Variants in CPED1 observed in about 807,000 individuals in gnomAD.
CPED1 encodes cadherin-like and PC-esterase domain-containing protein 1.
CPED1 carries 114 observed loss-of-function variants against 128.2 expected under a neutral mutation model. The observed-to-expected ratio is 0.89, with a 90% CI of 0.76 to 1.04. The LOEUF is 1.04. Among genes scored for constraint, CPED1 ranks in the 50% least tolerant of loss-of-function variants. The probability of loss-of-function intolerance (pLI) is 0.00; values close to 1 mark genes in which losing one functional copy is unlikely to be tolerated. For synonymous variants in CPED1, 462 were observed against 426.7 expected (o/e 1.08, Z -1.02); for missense variants, 1,211 against 1,207.1 (o/e 1.00, Z -0.05).
At position 121,171,998 on chromosome 7, in the gene CPED1, G is replaced by A. The variant is rs7806255; in HGVS notation, c.2055+29857G>A. 7.8e-3 allele frequency among the ~76,000 whole-genome samples: 1,193 copies of A among 152,240 alleles called. 12 individuals carry two copies. Among genetic ancestry groups the A allele is most frequent in the African/African-American group, 0.026 (1,079 of 41,530 alleles). ...ATTTATTTGAACCCTACTCTGAATAGGAAGGCGCTGAGGTGGCTTTCAATG... is the reference window on the plus strand; with the variant it reads ...ATTTATTTGAACCCTACTCTGAATAAGAAGGCGCTGAGGTGGCTTTCAATG... On this transcript the variant is annotated intron_variant, in intron 16 of 22. Transcript: ENST00000310396.
chr7:121,202,432 G>C (rs567196384), intron 16 of CPED1, among the ~76,000 whole-genome samples: 1 of 152,208 alleles, frequency 6.6e-6, no homozygotes, highest in South Asian at 2.1e-4. Flanking sequence ...GCCATAAGAG[G>C]GTTTAAGCCT....
intron 2 of CPED1, among the ~76,000 whole-genome samples, chr7:121,003,543 G>A (rs1198760212): frequency 6.6e-6 from 1 of 152,188 alleles, no homozygotes; most frequent in African/African-American, 2.4e-5. Flanking sequence ...TTTGATTGTA[G>A]GAGCAAGAAT....
chr7:121,226,237 C>G (rs1326184757), intron 16 of CPED1, among the ~76,000 whole-genome samples: 3 of 152,000 alleles, frequency 2.0e-5, no homozygotes, highest in Non-Finnish European at 4.4e-5. Flanking sequence ...ACAATCAGGT[C>G]CCTTAGCTGC....
At chr7:121,218,105 C>G (rs1296227649) in intron 16 of CPED1, among the ~76,000 whole-genome samples, 1 of 151,390 alleles carries the variant, frequency 6.6e-6, no homozygotes, top group Non-Finnish European at 1.5e-5. Flanking sequence ...CTGCCTCAGA[C>G]TCCTGAGTAG....
At chr7:121,110,698 T>C (rs1183511450) in intron 7 of CPED1, among the ~76,000 whole-genome samples, 1 of 152,032 alleles carries the variant, frequency 6.6e-6, no homozygotes, top group Non-Finnish European at 1.5e-5. Flanking sequence ...AGGTAAGAAA[T>C]TGAATTTTTT....
At chr7:121,183,069 T>C (rs1796932914) in intron 16 of CPED1, among the ~76,000 whole-genome samples, 1 of 152,044 alleles carries the variant, frequency 6.6e-6, no homozygotes, top group Admixed American at 6.6e-5. Context: ...ACTGCAGTTA[T>C]TAATAGTTAG....
chr7:121,261,911 T>A, intron 18 of CPED1: 2 of 563,072 alleles, frequency 3.6e-6, no homozygotes, highest in Non-Finnish European at 6.2e-6. Context: ...CATTTTATAA[T>A]AAGCCTATTG....
chr7:121,103,619 G>C (rs139424016), intron 7 of CPED1, among the ~76,000 whole-genome samples: 1 of 152,004 alleles, frequency 6.6e-6, no homozygotes, highest in Non-Finnish European at 1.5e-5. Flanking sequence ...AACTACCCAC[G>C]CTATACCAGC....
chr7:121,240,765 T>TAAA (rs71170235), intron 17 of CPED1, among the ~76,000 whole-genome samples: 7 of 93,788 alleles, frequency 7.5e-5, no homozygotes, highest in South Asian at 4.4e-4. Context: ...CCTCTTCTGT[T>TAAA]AAAAAAAAAA....
intron 16 of CPED1, among the ~76,000 whole-genome samples, chr7:121,170,901 AT>A (rs1796637026): frequency 6.6e-6 from 1 of 151,806 alleles, no homozygotes; most frequent in Admixed American, 6.6e-5. Context: ...AAATACAAAA[AT>A]TAGCGGGTGT....
At chr7:121,274,141 C>A (rs1195335970) in intron 22 of CPED1, among the ~76,000 whole-genome samples, 1 of 152,066 alleles carries the variant, frequency 6.6e-6, no homozygotes, top group African/African-American at 2.4e-5. Context: ...AAAATGTCCT[C>A]GAATAATTTC....
At chr7:121,103,599 C>T (rs550281501) in intron 7 of CPED1, among the ~76,000 whole-genome samples, 36 of 152,142 alleles carry the variant, frequency 2.4e-4, no homozygotes, top group African/African-American at 8.4e-4. Flanking sequence ...AAAACCAAAC[C>T]CACTTTAAAA....
intron 16 of CPED1, among the ~76,000 whole-genome samples, chr7:121,211,561 A>AGCTATGGACCAAT (rs1554448637): frequency 2.0e-5 from 3 of 151,698 alleles, no homozygotes; most frequent in Non-Finnish European, 4.4e-5. Context: ...TGATTGGGAC[A>AGCTATGGACCAAT]GCAGACACGT....
At chr7:121,075,113 A>G (rs919767966) in intron 5 of CPED1, among the ~76,000 whole-genome samples, 1 of 152,192 alleles carries the variant, frequency 6.6e-6, no homozygotes, top group East Asian at 1.9e-4. Context: ...GGTACTTTGT[A>G]TGAGTCCTAC....
At chr7:121,074,678 C>A (rs1485160231) in intron 5 of CPED1, among the ~76,000 whole-genome samples, 1 of 151,910 alleles carries the variant, frequency 6.6e-6, no homozygotes, top group East Asian at 1.9e-4. Flanking sequence ...AGCCAAACGT[C>A]TTTTTGAAAT....
intron 16 of CPED1, among the ~76,000 whole-genome samples, chr7:121,199,427 C>A (rs145304607): frequency 1.3e-5 from 2 of 151,688 alleles, no homozygotes; most frequent in African/African-American, 2.4e-5. Flanking sequence ...CACCTATAAT[C>A]CCAGCACGTT....
chr7:121,007,345 G>C (rs192792047), intron 2 of CPED1, among the ~76,000 whole-genome samples: 2 of 148,314 alleles, frequency 1.3e-5, no homozygotes, highest in African/African-American at 5.0e-5. Context: ...GAAAGGCACC[G>C]TATGGTCCCA....
chr7:121,006,358 A>G (rs1020554950), intron 2 of CPED1, among the ~76,000 whole-genome samples: 3 of 152,114 alleles, frequency 2.0e-5, no homozygotes, highest in Non-Finnish European at 4.4e-5. Context: ...TCAGAGGGCA[A>G]TAAGAAACCT....
chr7:121,252,465 A>G (rs1382724284), intron 18 of CPED1, among the ~76,000 whole-genome samples: 10 of 151,708 alleles, frequency 6.6e-5, no homozygotes, highest in East Asian at 1.9e-4. Flanking sequence ...AAATTGACAA[A>G]TGGGATCTAA....
Sources: allele counts gnomAD v4.1 joint callset (sites outside exome capture counted in the v4.1 genomes callset), GRCh38; gene constraint gnomAD v4.1.1; transcripts MANE v1.5; gene names NCBI Gene and HGNC (gene_info 2026-07-23, HGNC 2026-07-21).